CA2: variants seen among roughly 807,000 people sequenced by gnomAD.
CA2 encodes the protein carbonate dehydratase II.
In CA2, 23 loss-of-function variants were observed where a neutral mutation model predicts 27.8. The observed-to-expected ratio is 0.83, with a 90% CI of 0.59 to 1.17. The LOEUF (loss-of-function observed/expected upper bound fraction) is 1.17. Among genes scored for constraint, CA2 ranks in the 50% most tolerant of loss-of-function variants. The pLI, the probability that CA2 is intolerant of heterozygous loss-of-function variation, is 0.00. For missense variants in CA2, 300 were observed against 314.7 expected (o/e 0.95, Z 0.35); for synonymous variants, 99 against 114.9 (o/e 0.86, Z 0.88).
intron 6 of CA2, among the ~76,000 whole-genome samples, chr8:85,478,566 G>T (rs764506604): frequency 5.9e-5 from 9 of 152,146 alleles, no homozygotes; most frequent in Non-Finnish European, 8.8e-5. Context: ...GATTTATGGT[G>T]TATACACACC....
rs1811879504 is a variant in CA2 at position 85,480,776 on chromosome 8, C to T, written c.770C>T (p.Ala257Val). The T allele has an allele frequency of 6.2e-7, 1 of 1,613,624 alleles. No individual in the cohort carries two copies. The highest frequency in any genetic ancestry group is 1.1e-5 in the South Asian group (1 of 91,084). The change falls in exon 7 of 7, where the codon GCT becomes GTT. Residue 257 changes from alanine (A) to valine (V), a missense_variant. Physicochemically the swap from Ala to Val is moderately conservative, Grantham distance 64 (BLOSUM62 0). Transcript: ENST00000285379. ...CCACTGAAGAACAGGCAAATCAAAG[C>T]TTCCTTCAAATAAGATGGTCCCATA... ...AQPLKNRQIKASFK is the reference protein window; with the variant it reads ...AQPLKNRQIKVSFK
intron 6 of CA2, among the ~76,000 whole-genome samples, chr8:85,479,273 A>T (rs1811852241): frequency 6.6e-6 from 1 of 152,226 alleles, no homozygotes; most frequent in Non-Finnish European, 1.5e-5. Flanking sequence ...GAAATCGGTT[A>T]TACTGGTTTG....
chr8:85,480,603 T>A, intron 6 of CA2, 67 bp from the exon 7 acceptor site: 1 of 1,509,904 alleles, frequency 6.6e-7, no homozygotes, highest in South Asian at 1.1e-5. Context: ...TTTAAAGATA[T>A]AACACAAGTA....
rs369803421 is a variant in CA2, at chr8:85,464,256, G to C, written c.34+141G>C. 198 of 671,622 alleles carry C rather than the reference G, an allele frequency of 2.9e-4. 2 individuals are homozygous for C. The East Asian group carries it at 6.6e-3, about 23-fold the overall frequency. 41.6% of individuals were successfully genotyped at this position (671,622 alleles called of 1,614,324 possible). A position where few individuals can be genotyped will look rare whatever the true frequency, so the allele number is the denominator to read the frequency against. ...GGCCGCGGGGAGTGCTGGAGGCTCA[G>C]GTGCGCCCCGGGCGCTCGCTCCGCT... On this transcript the variant is annotated intron_variant, in intron 1 of 6. Transcript: ENST00000285379.
chr8:85,481,327 GT>G lies in CA2; in HGVS notation c.*540del, dbSNP rs750844967. The stretch of plus-strand genomic sequence containing the variant: ...CAAAGTTATCTTAAATATGAATTCT[GT>G]TGTAATTTAATGACTTTTGAATTAC... On this transcript the variant is annotated 3_prime_UTR_variant, in exon 7 of 7. Transcript: ENST00000285379. 3 of 153,938 alleles carry G rather than the reference GT, an allele frequency of 1.9e-5. No homozygotes were observed. In the East Asian group the frequency reaches 5.8e-4, roughly 30 times the overall value. 9.5% of individuals were successfully genotyped at this position (153,938 alleles called of 1,614,324 possible).
In CA2 at chr8:85,480,728, T is replaced by C; in HGVS notation, c.722T>C (p.Val241Ala). The C allele has an allele frequency of 1.2e-6, 2 of 1,613,968 alleles. No individual in the cohort carries two copies. Among genetic ancestry groups the C allele is most frequent in the Non-Finnish European group, 1.7e-6 (2 of 1,179,884 alleles). The stretch of plus-strand genomic sequence containing the variant: ...GAGGGTGAACCCGAAGAACTGATGG[T>C]GGACAACTGGCGCCCAGCTCAGCCA... The part of the protein sequence containing the change: ...NGEGEPEELM[V>A]DNWRPAQPLK... Residue 241 changes from valine (V) to alanine (A), a missense_variant, in exon 7 of 7, where the codon GTG becomes GCG. Physicochemically the swap from Val to Ala is moderately conservative, Grantham distance 64 (BLOSUM62 0). This residue lies in a region of CA2 where 173 missense variants were observed against 161.0 expected (regional missense o/e 1.07). Transcript: ENST00000285379.
rs1323469579 is a variant in CA2, at chr8:85,481,333, A to G, written c.*544A>G. The G allele has an allele frequency of 1.3e-5, 2 of 153,974 alleles. No individual in the cohort carries two copies. The highest frequency in any genetic ancestry group is 2.9e-5 in the Non-Finnish European group (2 of 69,018). 9.5% of individuals were successfully genotyped at this position (153,974 alleles called of 1,614,324 possible). On this transcript the variant is annotated 3_prime_UTR_variant, in exon 7 of 7. Coordinates refer to ENST00000285379, the MANE Select transcript of CA2 (RefSeq NM_000067.3). The stretch of plus-strand genomic sequence containing the variant: ...TATCTTAAATATGAATTCTGTTGTA[A>G]TTTAATGACTTTTGAATTACAGAGA...
At chr8:85,468,895 G>A (rs1811671488) in intron 2 of CA2, among the ~76,000 whole-genome samples, 1 of 150,728 alleles carries the variant, frequency 6.6e-6, no homozygotes, top group South Asian at 2.1e-4. Context: ...AAAGAATAGA[G>A]ATACTCTAGT....
intron 4 of CA2, among the ~76,000 whole-genome samples, chr8:85,475,214 AAC>A (rs1290813479): frequency 6.6e-6 from 1 of 151,750 alleles, no homozygotes; most frequent in East Asian, 1.9e-4. Flanking sequence ...CAAAAACAAA[AAC>A]ACAAAATTAG....
Position 85,477,230 on chromosome 8 carries a change from G to A in CA2, c.618G>A (p.Val206=), listed in dbSNP as rs369700367. The A allele has an allele frequency of 2.2e-4, 360 of 1,614,112 alleles. 3 individuals are homozygous for A. The South Asian group carries it at 3.3e-3, about 15-fold the overall frequency. The part of the protein sequence containing the change: ...SLTTPPLLEC[V]TWIVLKEPIS... ...CCACCCCTCCTCTTCTGGAATGTGT[G>A]ACCTGGATTGTGCTCAAGGAACCCA... The change falls in exon 6 of 7, where the codon GTG becomes GTA. Residue 206 remains valine, a synonymous_variant. Transcript: ENST00000285379.
At chr8:85,473,653 A>G (rs1338911394) in intron 2 of CA2, 40 bp from the exon 3 acceptor site, 1 of 971,598 alleles carries the variant, frequency 1.0e-6, no homozygotes, top group East Asian at 2.6e-5. Flanking sequence ...ATGCAGATAC[A>G]TACATATATG....
At chr8:85,471,783 ATAT>A (rs1333076568) in intron 2 of CA2, among the ~76,000 whole-genome samples, 6 of 151,870 alleles carry the variant, frequency 4.0e-5, no homozygotes, top group South Asian at 2.1e-4. Context: ...TAATTTTTAT[ATAT>A]TATTATGAAA....
At chr8:85,480,570 A>C (rs933242834) in intron 6 of CA2, 100 bp from the exon 7 acceptor site, 2 of 1,212,106 alleles carry the variant, frequency 1.7e-6, no homozygotes, top group Admixed American at 3.8e-5. Flanking sequence ...GGCATGAGCC[A>C]CTGCGCCTGG....
At position 85,480,694 on chromosome 8, in the gene CA2, T is replaced by C. The variant is rs763102312; in HGVS notation, c.688T>C (p.Phe230Leu). The change falls in exon 7 of 7, where the codon TTC (phenylalanine) becomes CTC (leucine). Residue 230 changes from phenylalanine to leucine, a missense_variant. By Grantham distance (22) the Phe-to-Leu change is conservative (BLOSUM62 0). Transcript: ENST00000285379. ...GGTGTTGAAATTCCGTAAACTTAACTTCAATGGGGAGGGTGAACCCGAAGA... is the reference window on the plus strand; with the variant it reads ...GGTGTTGAAATTCCGTAAACTTAACCTCAATGGGGAGGGTGAACCCGAAGA... Reference protein sequence around the residue: ...EQVLKFRKLNFNGEGEPEELM... With the variant: ...EQVLKFRKLNLNGEGEPEELM... 1.5e-5 allele frequency: 25 copies of C among 1,613,764 alleles called. No homozygotes were observed. The highest frequency in any genetic ancestry group is 2.1e-5 in the Non-Finnish European group (25 of 1,179,694).
chr8:85,466,679 TACACACAC>T (rs33928115), intron 2 of CA2, among the ~76,000 whole-genome samples: 9 of 148,948 alleles, frequency 6.0e-5, no homozygotes, highest in South Asian at 2.1e-4. Flanking sequence ...CATACATACA[TACACACAC>T]ACACACACAC....
rs1169300322 is a variant in CA2 at position 85,473,817 on chromosome 8, A to T, written c.351+6A>T. 7.0e-7 allele frequency: 1 copy of T among 1,431,528 alleles called. No individual in the cohort carries two copies. The highest frequency in any genetic ancestry group is 9.9e-7 in the Non-Finnish European group (1 of 1,013,504). 88.7% of individuals were successfully genotyped at this position (1,431,528 alleles called of 1,614,324 possible). On this transcript the variant is annotated splice_donor_region_variant and intron_variant, in intron 3 of 6. Transcript: ENST00000285379. Reference sequence around the variant, plus strand: ...AAAAGAAATATGCTGCAGAAGTAAGATATACTTTTTTTTTTCTTTCCAGGG... The same window carrying T: ...AAAAGAAATATGCTGCAGAAGTAAGTTATACTTTTTTTTTTCTTTCCAGGG...
rs1444065478 is a variant in CA2 at position 85,477,119 on chromosome 8, G to C, written c.508-1G>C. Reference sequence around the variant, plus strand: ...GAAGCTGCGTATTTGCCTTGTTCTAGGGCAAGAGTGCTGACTTCACTAACT... The same window carrying C: ...GAAGCTGCGTATTTGCCTTGTTCTACGGCAAGAGTGCTGACTTCACTAACT... On this transcript the variant is annotated splice_acceptor_variant, in intron 5 of 6. Transcript: ENST00000285379. LOFTEE classifies it high-confidence loss of function. 3 of 1,613,850 alleles carry C rather than the reference G, an allele frequency of 1.9e-6. No homozygotes were observed. The highest frequency in any genetic ancestry group is 1.3e-5 in the African/African-American group (1 of 74,878).
intron 2 of CA2, among the ~76,000 whole-genome samples, chr8:85,469,839 A>G (rs188257311): frequency 2.8e-4 from 42 of 152,308 alleles, no homozygotes; most frequent in South Asian, 1.7e-3. Context: ...AGGAAGCTGG[A>G]TGAGTTTACC....
chr8:85,471,001 T>C (rs1811706528), intron 2 of CA2, among the ~76,000 whole-genome samples: 1 of 152,124 alleles, frequency 6.6e-6, no homozygotes, highest in Non-Finnish European at 1.5e-5. Context: ...CATTAGAAAA[T>C]AGATTTCATT....
Sources: gnomAD v4.1 joint callset for allele counts (sites outside exome capture counted in the v4.1 genomes callset) on GRCh38, gnomAD v4.1.1 for gene constraint, gnomAD v4.1.1 regional missense constraint, MANE v1.5 for transcripts, NCBI Gene and HGNC (gene_info 2026-07-23, HGNC 2026-07-21) for gene names.